ANO4: variants seen among roughly 807,000 people sequenced by gnomAD.
The protein encoded by ANO4 is anoctamin 4.
ANO4 carries 69 observed loss-of-function variants against 141.9 expected under a neutral mutation model. That is an observed-to-expected ratio of 0.49 (90% CI 0.40 to 0.59). The LOEUF is 0.59. ANO4 is among the 20% of genes least tolerant of loss of function. The pLI, the probability that ANO4 is intolerant of heterozygous loss-of-function variation, is 0.00. For missense variants in ANO4, 894 were observed against 1,162.2 expected (o/e 0.77, Z 3.36); for synonymous variants, 350 against 394.3 (o/e 0.89, Z 1.33).
At chr12:101,080,900 T>TATATATATATATATATATATAC (rs1194122665) in intron 15 of ANO4, among the ~76,000 whole-genome samples, 41 of 131,008 alleles carry the variant, frequency 3.1e-4, no homozygotes, top group South Asian at 1.5e-3. Flanking sequence ...TATATATATA[T>TATATATATATATATATATATAC]ACATACACAT....
intron 17 of ANO4, among the ~76,000 whole-genome samples, chr12:101,088,734 AT>A (rs1055283666): frequency 7.9e-5 from 12 of 151,552 alleles, no homozygotes; most frequent in South Asian, 2.1e-4. Flanking sequence ...TACAAACAAA[AT>A]TTTTTTTTAA....
rs1008387729 is a variant in ANO4, at chr12:100,847,517, G to A, written c.-141+52490G>A. On this transcript the variant is annotated intron_variant, in intron 1 of 27. Transcript: ENST00000392977. ...GGTGGAGTCTCACTCTGTCACTCAG[G>A]CTGGAGCGCAGTGGTGCAATCTCGG... Among the ~76,000 whole-genome samples, 15 of 140,662 alleles carry A rather than the reference G, an allele frequency of 1.1e-4. No homozygotes were observed. The Admixed American group carries it at 1.2e-3, about 11-fold the overall frequency. The allele number at this position is 140,662 out of a possible 152,430, so 92.3% of individuals were successfully genotyped here.
chr12:101,017,886 C>T (rs2046376695), intron 8 of ANO4, among the ~76,000 whole-genome samples: 1 of 152,174 alleles, frequency 6.6e-6, no homozygotes, highest in Non-Finnish European at 1.5e-5. Flanking sequence ...AACCTCCAGG[C>T]TCCAGGTACA....
intron 1 of ANO4, among the ~76,000 whole-genome samples, chr12:100,727,620 T>C (rs757076192): frequency 6.6e-6 from 1 of 152,190 alleles, no homozygotes; most frequent in Non-Finnish European, 1.5e-5. Flanking sequence ...TTTTTAGAAA[T>C]CCATCTCATA....
At chr12:100,940,852 C>T (rs2042480874) in intron 4 of ANO4, among the ~76,000 whole-genome samples, 1 of 152,122 alleles carries the variant, frequency 6.6e-6, no homozygotes, top group Non-Finnish European at 1.5e-5. Context: ...TGGTCTCTTT[C>T]AATGTTGTAC....
intron 3 of ANO4, among the ~76,000 whole-genome samples, chr12:100,786,957 T>A (rs1251404994): frequency 6.6e-6 from 1 of 152,158 alleles, no homozygotes; most frequent in Non-Finnish European, 1.5e-5. Flanking sequence ...CACAATAAGC[T>A]GAGAGGTTAG....
chr12:100,735,973 G>T (rs2031591787), intron 2 of ANO4, among the ~76,000 whole-genome samples: 2 of 152,296 alleles, frequency 1.3e-5, no homozygotes, highest in East Asian at 3.9e-4. Context: ...GTGTTTGGAG[G>T]ACCAAGGACC....
chr12:100,970,748 C>G (rs1308258346), intron 5 of ANO4, among the ~76,000 whole-genome samples: 1 of 139,380 alleles, frequency 7.2e-6, no homozygotes, highest in African/African-American at 2.7e-5. Flanking sequence ...GACAGAGACT[C>G]CCTCTTGTTG....
intron 26 of ANO4, among the ~76,000 whole-genome samples, chr12:101,121,272 A>T (rs1377544497): frequency 6.6e-6 from 1 of 151,320 alleles, no homozygotes; most frequent in South Asian, 2.1e-4. Context: ...TCTCATCTTT[A>T]TGTCCATGTG....
chr12:100,886,770 G>A (rs2039853063), intron 1 of ANO4, among the ~76,000 whole-genome samples: 1 of 152,156 alleles, frequency 6.6e-6, no homozygotes, highest in African/African-American at 2.4e-5. Context: ...CTGCAACAGA[G>A]ACCATATGGC....
chr12:100,927,934 G>A (rs2041937432), intron 3 of ANO4, among the ~76,000 whole-genome samples: 1 of 152,124 alleles, frequency 6.6e-6, no homozygotes. Flanking sequence ...TAAAAGGATT[G>A]TGGGATCATT....
chr12:100,922,473 T>C (rs2041674937), intron 3 of ANO4, 143 bp downstream of exon 3: 2 of 585,966 alleles, frequency 3.4e-6, no homozygotes, highest in Admixed American at 3.6e-5. Flanking sequence ...CTGTGCAAAA[T>C]AATTTTGAAA....
intron 13 of ANO4, among the ~76,000 whole-genome samples, chr12:101,047,288 G>A (rs2047671852): frequency 6.6e-6 from 1 of 152,002 alleles, no homozygotes; most frequent in Non-Finnish European, 1.5e-5. Flanking sequence ...AACTCTGATA[G>A]ATAGCACAGT....
intron 1 of ANO4, among the ~76,000 whole-genome samples, chr12:100,867,025 C>T (rs573531865): frequency 8.5e-5 from 13 of 152,206 alleles, no homozygotes; most frequent in South Asian, 2.1e-4. Context: ...TACTGTTATC[C>T]GCAGTAAGCA....
chr12:101,031,527 AAGGATGCC>A (rs1239929929), intron 9 of ANO4, among the ~76,000 whole-genome samples: 2 of 152,198 alleles, frequency 1.3e-5, no homozygotes, highest in East Asian at 3.8e-4. Flanking sequence ...AGTACAAGAC[AAGGATGCC>A]CTCTCTCACC....
intron 14 of ANO4, among the ~76,000 whole-genome samples, chr12:101,070,824 A>T (rs545050699): frequency 1.3e-5 from 2 of 152,290 alleles, no homozygotes; most frequent in African/African-American, 4.8e-5. Flanking sequence ...CTTTGTAGGA[A>T]AAAGACCTAA....
intron 1 of ANO4, among the ~76,000 whole-genome samples, chr12:100,872,062 C>T (rs1356641539): frequency 6.6e-6 from 1 of 152,090 alleles, no homozygotes; most frequent in African/African-American, 2.4e-5. Context: ...TATGTTGTAT[C>T]GATGATGCTG....
chr12:100,934,411 T>C (rs1312679880), intron 3 of ANO4, among the ~76,000 whole-genome samples: 1 of 152,224 alleles, frequency 6.6e-6, no homozygotes, highest in African/African-American at 2.4e-5. Flanking sequence ...TGGTTGTAGA[T>C]GTGTGGTGTT....
At chr12:100,820,816 A>G (rs1433050305) in intron 1 of ANO4, among the ~76,000 whole-genome samples, 1 of 152,064 alleles carries the variant, frequency 6.6e-6, no homozygotes, top group Non-Finnish European at 1.5e-5. Context: ...GAGGAAAATG[A>G]TAAAGTGATG....
Sources: gnomAD v4.1 joint callset for allele counts (sites outside exome capture counted in the v4.1 genomes callset) on GRCh38, gnomAD v4.1.1 for gene constraint, MANE v1.5 for transcripts, NCBI Gene and HGNC (gene_info 2026-07-23, HGNC 2026-07-21) for gene names.